The following KCNH8 variants were observed in gnomAD, a reference collection of about 807,000 sequenced individuals.
The protein encoded by KCNH8 is voltage-gated delayed rectifier potassium channel KCNH8.
Under a neutral mutation model 103.6 loss-of-function variants are expected in KCNH8, and 70 were observed. The observed-to-expected ratio is 0.68, with a 90% CI of 0.56 to 0.82. The LOEUF (loss-of-function observed/expected upper bound fraction) is 0.82, where lower values mean the gene tolerates loss of function less well. Among genes scored for constraint, KCNH8 ranks in the 40% least tolerant of loss-of-function variants. The probability of loss-of-function intolerance (pLI) is 0.00; values close to 1 mark genes in which losing one functional copy is unlikely to be tolerated. For synonymous variants in KCNH8, 498 were observed against 489.4 expected, an observed-to-expected ratio of 1.02 and a Z score of -0.23; for missense variants, 1,217 against 1,329.9, an observed-to-expected ratio of 0.92 and a Z score of 1.32.
intron 5 of KCNH8, among the ~76,000 whole-genome samples, chr3:19,383,373 T>G (rs2066312963): frequency 6.6e-6 from 1 of 151,908 alleles, no homozygotes; most frequent in African/African-American, 2.4e-5. Flanking sequence ...CATCTCAGTG[T>G]TCGTTAATTT....
chr3:19,245,515 C>T (rs574746825), intron 1 of KCNH8, among the ~76,000 whole-genome samples: 3 of 152,218 alleles, frequency 2.0e-5, no homozygotes, highest in African/African-American at 7.2e-5. Flanking sequence ...GTATTTTCAT[C>T]AGAATAGTGT....
chr3:19,171,582 G>A (rs1392077755), intron 1 of KCNH8, among the ~76,000 whole-genome samples: 1 of 152,040 alleles, frequency 6.6e-6, no homozygotes, highest in Non-Finnish European at 1.5e-5. Flanking sequence ...AAATAAGTTA[G>A]CCTATCAAGA....
chr3:19,212,033 G>A (rs1282961259), intron 1 of KCNH8, among the ~76,000 whole-genome samples: 1 of 152,108 alleles, frequency 6.6e-6, no homozygotes, highest in African/African-American at 2.4e-5. Flanking sequence ...CTGGTTGGTT[G>A]TGAATAGGTC....
intron 11 of KCNH8, among the ~76,000 whole-genome samples, chr3:19,492,536 C>A (rs2068345430): frequency 6.6e-6 from 1 of 152,100 alleles, no homozygotes; most frequent in African/African-American, 2.4e-5. Flanking sequence ...GTCTGTGTGT[C>A]TGTTTTTGTA....
chr3:19,534,432 G>A lies in KCNH8; in HGVS notation c.*333G>A, dbSNP rs1025099903. 2.8e-5 allele frequency: 8 copies of A among 285,008 alleles called. No individual in the cohort carries two copies. The highest frequency in any genetic ancestry group is 5.2e-5 in the Non-Finnish European group (8 of 153,196). 17.7% of individuals were successfully genotyped at this position (285,008 alleles called of 1,614,324 possible). Reference sequence around the variant, plus strand: ...ATGACTTTTGTCCCATGTGGCTTTTGTGAAGTATGGCAAAGGTTTTTCATG... The same window carrying A: ...ATGACTTTTGTCCCATGTGGCTTTTATGAAGTATGGCAAAGGTTTTTCATG... On this transcript the variant is annotated 3_prime_UTR_variant, in exon 16 of 16. Coordinates refer to ENST00000328405, the MANE Select transcript of KCNH8 (RefSeq NM_144633.3).
At chr3:19,299,972 G>C (rs2065044821) in intron 3 of KCNH8, among the ~76,000 whole-genome samples, 1 of 152,118 alleles carries the variant, frequency 6.6e-6, no homozygotes, top group Non-Finnish European at 1.5e-5. Flanking sequence ...ATATGGGCCA[G>C]GCATGGTAGC....
intron 11 of KCNH8, among the ~76,000 whole-genome samples, chr3:19,482,135 C>T (rs955669907): frequency 6.6e-6 from 1 of 152,240 alleles, no homozygotes; most frequent in Admixed American, 6.5e-5. Context: ...GGGCTGCATG[C>T]ACCTGCACCG....
chr3:19,371,686 A>G (rs1053457541), intron 5 of KCNH8, among the ~76,000 whole-genome samples: 13 of 151,012 alleles, frequency 8.6e-5, no homozygotes, highest in African/African-American at 2.9e-4. Context: ...GTCCTTGCCC[A>G]TGCCTATGTC....
intron 10 of KCNH8, among the ~76,000 whole-genome samples, chr3:19,453,069 G>C (rs1212382016): frequency 6.6e-6 from 1 of 152,050 alleles, no homozygotes; most frequent in Non-Finnish European, 1.5e-5. Context: ...TTGAACTGGA[G>C]GCCATTATCT....
intron 1 of KCNH8, among the ~76,000 whole-genome samples, chr3:19,173,564 G>A (rs1179228842): frequency 1.3e-5 from 2 of 152,042 alleles, no homozygotes; most frequent in Non-Finnish European, 2.9e-5. Context: ...TCTGTGCCCA[G>A]TTTGTAAGTT....
rs34561654 is a variant in KCNH8 at position 19,533,740 on chromosome 3, C to G, written c.2965C>G (p.Pro989Ala). ...NPADSELYHS[P>A]SLDYSPSHYQ... ...TGCAGACAGTGAACTTTATCATTCT[C>G]CAAGCCTTGATTATTCACCTTCCCA... The change falls in exon 16 of 16, where the codon CCA becomes GCA. Residue 989 changes from proline (P) to alanine (A), a missense_variant. Around this residue, in one of 3 missense-constraint regions of KCNH8, gnomAD observed 558 missense variants for 495.8 expected, o/e 1.13. Transcript: ENST00000328405. 2.0e-5 allele frequency: 32 copies of G among 1,614,056 alleles called. No homozygotes were observed. In the Middle Eastern group the frequency reaches 4.9e-4, roughly 25 times the overall value.
intron 1 of KCNH8, among the ~76,000 whole-genome samples, chr3:19,241,782 G>A (rs1025526013): frequency 2.6e-5 from 4 of 151,890 alleles, no homozygotes; most frequent in African/African-American, 7.3e-5. Flanking sequence ...CATTCCTGAT[G>A]GAGAAAGTAT....
chr3:19,261,437 G>T (rs1166180272), intron 2 of KCNH8, among the ~76,000 whole-genome samples: 1 of 151,646 alleles, frequency 6.6e-6, no homozygotes, highest in East Asian at 1.9e-4. Flanking sequence ...TTTTTTATTT[G>T]TGTTATATGT....
chr3:19,260,302 G>A (rs1401468742), intron 2 of KCNH8, among the ~76,000 whole-genome samples: 1 of 150,892 alleles, frequency 6.6e-6, no homozygotes, highest in African/African-American at 2.4e-5. Flanking sequence ...GTACACATAA[G>A]CTGTCTGAAT....
At chr3:19,244,090 A>C (rs1448425634) in intron 1 of KCNH8, among the ~76,000 whole-genome samples, 2 of 152,180 alleles carry the variant, frequency 1.3e-5, no homozygotes, top group East Asian at 3.8e-4. Flanking sequence ...TATAAAATTA[A>C]AACCACACTT....
chr3:19,400,955 A>T (rs1458532346), intron 7 of KCNH8, among the ~76,000 whole-genome samples: 2 of 152,010 alleles, frequency 1.3e-5, no homozygotes, highest in Non-Finnish European at 2.9e-5. Flanking sequence ...GCTAACCCTT[A>T]CTTGTAGATT....
rs115234936 is a variant in KCNH8, at chr3:19,193,658, A to G, written c.76+44863A>G. On this transcript the variant is annotated intron_variant, in intron 1 of 15. Transcript: ENST00000328405. ...ATCAATTTAAATTTTGAATAGAGGG[A>G]AAATGCTATAAAATTAGGCTTAAAA... is the stretch of plus-strand genomic sequence containing the variant. Among the ~76,000 whole-genome samples, 1,171 of 151,856 alleles carry G rather than the reference A, an allele frequency of 7.7e-3. 14 individuals are homozygous for G. The highest frequency in any genetic ancestry group is 0.026 in the African/African-American group (1,079 of 41,520).
intron 1 of KCNH8, among the ~76,000 whole-genome samples, chr3:19,175,740 T>G (rs2063393630): frequency 6.6e-6 from 1 of 152,232 alleles, no homozygotes; most frequent in Admixed American, 6.5e-5. Flanking sequence ...TCACAGCTTC[T>G]AAAATGAAAA....
intron 3 of KCNH8, among the ~76,000 whole-genome samples, chr3:19,319,987 C>T (rs551275267): frequency 6.6e-6 from 1 of 152,008 alleles, no homozygotes; most frequent in South Asian, 2.1e-4. Flanking sequence ...AGCAGAGATA[C>T]TGATTTGTGT....
Sources: gnomAD v4.1 joint callset for allele counts (sites outside exome capture counted in the v4.1 genomes callset) on GRCh38, gnomAD v4.1.1 for gene constraint, gnomAD v4.1.1 regional missense constraint, MANE v1.5 for transcripts, NCBI Gene and HGNC (gene_info 2026-07-23, HGNC 2026-07-21) for gene names.